The following CIB1 variants were observed in gnomAD, a reference collection of about 807,000 sequenced individuals.
The protein encoded by CIB1 is calcium and integrin binding 1.
A neutral mutation model predicts 25.0 loss-of-function variants in CIB1; 19 were observed. The observed-to-expected ratio is 0.76, with a 90% CI of 0.53 to 1.12. The LOEUF (loss-of-function observed/expected upper bound fraction) is 1.12. CIB1 is among the 50% of genes most tolerant of loss of function. CIB1 has a pLI of 0.00. For missense variants in CIB1, 236 were observed against 242.6 expected, an observed-to-expected ratio of 0.97 and a Z score of 0.18; for synonymous variants, 104 against 98.5, an observed-to-expected ratio of 1.06 and a Z score of -0.33.
the CIB1 span, chr15:90,251,626 TG>T: frequency 6.2e-7 from 1 of 1,609,576 alleles, no homozygotes; most frequent in Non-Finnish European, 8.5e-7. Flanking sequence ...CACACTGTGG[TG>T]CATAACATGG....
chr15:90,255,904 C>T, the CIB1 span: 1 of 1,614,058 alleles, frequency 6.2e-7, no homozygotes, highest in Non-Finnish European at 8.5e-7. Flanking sequence ...GTCTGGCTTC[C>T]CATGCTGAGA....
the CIB1 span, chr15:90,264,786 T>C: frequency 6.5e-7 from 1 of 1,536,150 alleles, no homozygotes; most frequent in South Asian, 1.2e-5. Context: ...CCACCCACTT[T>C]AACCCCAAAG....
In CIB1 at chr15:90,230,640, TC is replaced by T. The variant is rs1308522512; in HGVS notation, c.555-136del. Reference sequence around the variant, plus strand: ...GTGTGTCAGCCCCCTCTGCAAGAACTCCCCGAGACATCCAGAGGGAGCTTTC... The same window carrying T: ...GTGTGTCAGCCCCCTCTGCAAGAACTCCCGAGACATCCAGAGGGAGCTTTC... On this transcript the variant is annotated intron_variant, in intron 6 of 6. Transcript: ENST00000328649. 21 of 926,100 alleles carry T rather than the reference TC, an allele frequency of 2.3e-5. No individual in the cohort carries two copies. In the Admixed American group the frequency reaches 4.4e-4, roughly 20 times the overall value. The allele number at this position is 926,100 out of a possible 1,614,324, so 57.4% of individuals were successfully genotyped here.
At chr15:90,258,971 G>A in the CIB1 span, 1 of 1,613,436 alleles carries the variant, frequency 6.2e-7, no homozygotes, top group Non-Finnish European at 8.5e-7. Context: ...CATTATTCCT[G>A]AGAGTAAAAG....
upstream of CIB1, chr15:90,238,527 G>GGACTGAAGTGA (rs1417146286): frequency 6.6e-6 from 1 of 152,108 alleles, no homozygotes; most frequent in Non-Finnish European, 1.5e-5. Flanking sequence ...ACCCAAACTT[G>GGACTGAAGTGA]GACTGAAGTG....
the CIB1 span, chr15:90,262,037 A>G: frequency 6.5e-7 from 1 of 1,535,588 alleles, no homozygotes; most frequent in South Asian, 1.2e-5. Context: ...CCATGTGGCA[A>G]TGCTGGACCA....
the CIB1 span, chr15:90,258,069 G>A: frequency 1.2e-6 from 2 of 1,614,200 alleles, no homozygotes; most frequent in Non-Finnish European, 1.7e-6. Flanking sequence ...CTGGCTGCAA[G>A]AGCACAGCTA....
the CIB1 span, chr15:90,257,810 G>A: frequency 7.5e-7 from 1 of 1,335,784 alleles, no homozygotes; most frequent in Non-Finnish European, 1.1e-6. Flanking sequence ...CTCTTGGGAG[G>A]CTAATTGCCC....
At chr15:90,257,112 T>A in the CIB1 span, 1 of 1,603,372 alleles carries the variant, frequency 6.2e-7, no homozygotes, top group Non-Finnish European at 8.5e-7. Context: ...GTGTTATTAT[T>A]CCCTCATGGG....
At chr15:90,241,880 C>A in the CIB1 span, 2 of 1,614,092 alleles carry the variant, frequency 1.2e-6, no homozygotes, top group East Asian at 4.5e-5. Flanking sequence ...GGATAAAGGA[C>A]GGTGAAGCTT....
At chr15:90,237,039 A>C (rs1421140158), upstream of CIB1, among the ~76,000 whole-genome samples, 2 of 151,748 alleles carry the variant, frequency 1.3e-5, no homozygotes, top group African/African-American at 4.8e-5. Context: ...GCTCACTGCA[A>C]CCTCTGCCTC....
upstream of CIB1, among the ~76,000 whole-genome samples, chr15:90,237,633 G>A (rs796085530): frequency 2.8e-4 from 43 of 152,030 alleles, no homozygotes; most frequent in African/African-American, 9.9e-4. Flanking sequence ...GATTAATGAC[G>A]TTAAACATCC....
chr15:90,253,950 C>A, the CIB1 span, among the ~76,000 whole-genome samples: 1 of 152,172 alleles, frequency 6.6e-6, no homozygotes, highest in Admixed American at 6.5e-5. Context: ...GAAATTAAAA[C>A]CTGTCCCACA....
chr15:90,256,587 TTCTTTCTTTC>T, the CIB1 span, among the ~76,000 whole-genome samples: 1 of 36,112 alleles, frequency 2.8e-5, no homozygotes, highest in Non-Finnish European at 5.4e-5. Context: ...CTTTCTTTCT[TTCTTTCTTTC>T]TTTCTTTCTT....
the CIB1 span, among the ~76,000 whole-genome samples, chr15:90,256,978 G>A: frequency 1.3e-5 from 2 of 152,144 alleles, no homozygotes; most frequent in Admixed American, 1.3e-4. Flanking sequence ...GAGCCACCAT[G>A]CCTGGCCTCT....
At chr15:90,257,282 G>A in the CIB1 span, 2 of 1,610,578 alleles carry the variant, frequency 1.2e-6, no homozygotes, top group South Asian at 1.1e-5. Flanking sequence ...TAACAACCTG[G>A]TAAGGGGACT....
chr15:90,264,408 T>C, the CIB1 span, among the ~76,000 whole-genome samples: 2 of 152,178 alleles, frequency 1.3e-5, no homozygotes, highest in African/African-American at 4.8e-5. Flanking sequence ...CTTGAACTCC[T>C]GATCCACCTG....
At chr15:90,262,696 T>G in the CIB1 span, 5 of 1,452,434 alleles carry the variant, frequency 3.4e-6, no homozygotes, top group Middle Eastern at 1.8e-4. Flanking sequence ...AGCTCTTATC[T>G]TTCCACAGGA....
At chr15:90,260,558 A>C in the CIB1 span, among the ~76,000 whole-genome samples, 19 of 152,210 alleles carry the variant, frequency 1.2e-4, no homozygotes, top group Admixed American at 4.6e-4. Flanking sequence ...TCATTTGAAG[A>C]AAGCAAGCAA....
Sources: gnomAD v4.1 joint callset for allele counts (sites outside exome capture counted in the v4.1 genomes callset) on GRCh38, gnomAD v4.1.1 for gene constraint, MANE v1.5 for transcripts, NCBI Gene and HGNC (gene_info 2026-07-23, HGNC 2026-07-21) for gene names.